SLC16A9: variants seen among roughly 807,000 people sequenced by gnomAD.
The protein encoded by SLC16A9 is monocarboxylate transporter 9.
In SLC16A9, 26 loss-of-function variants were observed where a neutral mutation model predicts 44.3. The ratio of observed to expected loss-of-function variants is 0.59; its 90% CI spans 0.43 to 0.81. SLC16A9 has a LOEUF of 0.81. Among genes scored for constraint, SLC16A9 ranks in the 40% least tolerant of loss-of-function variants. SLC16A9 has a pLI of 0.00. For missense variants in SLC16A9, 559 were observed against 595.8 expected, an observed-to-expected ratio of 0.94 and a Z score of 0.64; for synonymous variants, 230 against 225.1, an observed-to-expected ratio of 1.02 and a Z score of -0.19.
At chr10:59,691,992 C>T (rs1302664919) in intron 1 of SLC16A9, among the ~76,000 whole-genome samples, 2 of 152,182 alleles carry the variant, frequency 1.3e-5, no homozygotes, top group Non-Finnish European at 1.5e-5. Flanking sequence ...CTCCCTTCCC[C>T]AAAATTATCT....
At position 59,664,304 on chromosome 10, in the gene SLC16A9, A is replaced by T; in HGVS notation, c.359T>A (p.Leu120Ter). ...GIVVGLGCGL[L>*]YTATVTITCQ... ...CGTAATGGTCACTGTTGCAGTGTATAATAAACCACATCCAAGACCTAAGCA... is the reference window on the plus strand; with the variant it reads ...CGTAATGGTCACTGTTGCAGTGTATTATAAACCACATCCAAGACCTAAGCA... Residue 120 changes from leucine (L) to a stop codon, truncating the protein, a stop_gained, in exon 4 of 6, where the codon TTA (leucine) becomes TAA (stop). Coordinates refer to ENST00000395348, the MANE Select transcript of SLC16A9 (RefSeq NM_194298.3). LOFTEE classifies it high-confidence loss of function. 1 of 1,610,974 alleles carries T rather than the reference A, an allele frequency of 6.2e-7. No individual in the cohort carries two copies. Among genetic ancestry groups the T allele is most frequent in the Non-Finnish European group, 8.5e-7 (1 of 1,178,166 alleles).
chr10:59,696,561 G>A (rs1330362054), intron 1 of SLC16A9, among the ~76,000 whole-genome samples: 3 of 151,784 alleles, frequency 2.0e-5, no homozygotes, highest in East Asian at 3.9e-4. Flanking sequence ...CTGCCTGGCC[G>A]CCCATCGTCT....
At chr10:59,670,570 T>G (rs1161986003) in intron 3 of SLC16A9, among the ~76,000 whole-genome samples, 1 of 152,240 alleles carries the variant, frequency 6.6e-6, no homozygotes, top group Non-Finnish European at 1.5e-5. Context: ...TTGGTCACAC[T>G]GTCTAGCTAA....
chr10:59,672,770 C>A lies in SLC16A9; in HGVS notation c.340G>T (p.Gly114Cys), dbSNP rs768948608. 5.0e-6 allele frequency: 8 copies of A among 1,611,528 alleles called. No individual in the cohort carries two copies. The highest frequency in any genetic ancestry group is 1.7e-6 in the Non-Finnish European group (2 of 1,179,100). ...AAGTCATAGTGACGAGGTTCCTTAC[C>A]TACAACAATGCCATAGGAAAAAAAC... ...FLFFSYGIVV[G>C]LGCGLLYTAT... Residue 114 changes from glycine to cysteine, a missense_variant and splice_region_variant, in exon 3 of 6, where the codon GGT becomes TGT. Physicochemically the swap from Gly to Cys is radical, Grantham distance 159. Transcript: ENST00000395348.
intron 1 of SLC16A9, among the ~76,000 whole-genome samples, chr10:59,705,521 AATT>A (rs888904305): frequency 6.6e-6 from 1 of 152,180 alleles, no homozygotes; most frequent in African/African-American, 2.4e-5. Flanking sequence ...AATAAACATT[AATT>A]ATTATTATTA....
At chr10:59,656,643 T>A (rs1443949463) in intron 4 of SLC16A9, among the ~76,000 whole-genome samples, 1 of 152,172 alleles carries the variant, frequency 6.6e-6, no homozygotes, top group African/African-American at 2.4e-5. Flanking sequence ...TGGAATTTTG[T>A]AAACTGCAAA....
chr10:59,692,823 C>T (rs772923691), intron 1 of SLC16A9, among the ~76,000 whole-genome samples: 1 of 152,004 alleles, frequency 6.6e-6, no homozygotes, highest in Non-Finnish European at 1.5e-5. Flanking sequence ...TACCTAAAAA[C>T]AAACAAAAAA....
At chr10:59,664,190 G>T in intron 4 of SLC16A9, 37 bp downstream of exon 4, 1 of 1,440,920 alleles carries the variant, frequency 6.9e-7, no homozygotes, top group South Asian at 1.2e-5. Flanking sequence ...TTAGAAGACT[G>T]AATGGTGACA....
intron 1 of SLC16A9, among the ~76,000 whole-genome samples, chr10:59,704,017 G>A (rs79847757): frequency 2.6e-5 from 4 of 152,090 alleles, no homozygotes; most frequent in African/African-American, 7.2e-5. Flanking sequence ...CACTGCGCCC[G>A]GCCAAATTGC....
intron 1 of SLC16A9, among the ~76,000 whole-genome samples, chr10:59,699,699 T>TC (rs1478404825): frequency 6.6e-6 from 1 of 152,160 alleles, no homozygotes; most frequent in Non-Finnish European, 1.5e-5. Context: ...TCTTTTTTTT[T>TC]TTAAATCCCT....
At chr10:59,697,209 G>C (rs915707004) in intron 1 of SLC16A9, among the ~76,000 whole-genome samples, 1 of 151,126 alleles carries the variant, frequency 6.6e-6, no homozygotes, top group South Asian at 2.1e-4. Flanking sequence ...CCTCTGCCCG[G>C]CCACCACCCC....
intron 3 of SLC16A9, among the ~76,000 whole-genome samples, chr10:59,672,126 A>T (rs979095486): frequency 6.6e-6 from 1 of 152,168 alleles, no homozygotes; most frequent in African/African-American, 2.4e-5. Flanking sequence ...GTGATTTTTA[A>T]CACTGAACCC....
At chr10:59,676,467 C>T (rs765039664) in intron 2 of SLC16A9, among the ~76,000 whole-genome samples, 1 of 151,992 alleles carries the variant, frequency 6.6e-6, no homozygotes, top group Admixed American at 6.6e-5. Flanking sequence ...TCTTACAATG[C>T]AAAGTGAAAA....
At chr10:59,673,052 C>A in intron 2 of SLC16A9, 139 bp from the exon 3 acceptor site, 1 of 704,624 alleles carries the variant, frequency 1.4e-6, no homozygotes. Context: ...TGAGGCAGTT[C>A]ACATGAACAA....
intron 1 of SLC16A9, among the ~76,000 whole-genome samples, chr10:59,693,861 CCTGCCT>C (rs1374786649): frequency 6.6e-6 from 1 of 151,832 alleles, no homozygotes; most frequent in African/African-American, 2.4e-5. Context: ...TCGTGATCCG[CCTGCCT>C]CTGCCTCCCA....
chr10:59,685,171 T>A (rs1426923364), intron 1 of SLC16A9, among the ~76,000 whole-genome samples: 3 of 152,220 alleles, frequency 2.0e-5, no homozygotes, highest in Non-Finnish European at 4.4e-5. Context: ...CCTTCCTTTG[T>A]CCACATAACA....
At chr10:59,656,034 G>GA (rs1045032936) in intron 4 of SLC16A9, among the ~76,000 whole-genome samples, 3 of 151,450 alleles carry the variant, frequency 2.0e-5, no homozygotes, top group Non-Finnish European at 4.4e-5. Flanking sequence ...TTCCCAAAAG[G>GA]AAAAAAAACT....
intron 1 of SLC16A9, among the ~76,000 whole-genome samples, chr10:59,703,898 T>C (rs1357334106): frequency 6.6e-6 from 1 of 151,972 alleles, no homozygotes; most frequent in African/African-American, 2.4e-5. Context: ...CTTTTGGTAT[T>C]TTTTTAGTAG....
chr10:59,673,894 G>C (rs1044287115), intron 2 of SLC16A9, among the ~76,000 whole-genome samples: 1 of 151,034 alleles, frequency 6.6e-6, no homozygotes, highest in Non-Finnish European at 1.5e-5. Flanking sequence ...GTAAATGAAA[G>C]ACACAATGTA....
Sources: gnomAD v4.1 joint callset for allele counts (sites outside exome capture counted in the v4.1 genomes callset) on GRCh38, gnomAD v4.1.1 for gene constraint, MANE v1.5 for transcripts, NCBI Gene and HGNC (gene_info 2026-07-23, HGNC 2026-07-21) for gene names.